The following OGN variants were observed in gnomAD, a reference collection of about 807,000 sequenced individuals.
OGN encodes the protein mimecan.
Under a neutral mutation model 30.8 loss-of-function variants are expected in OGN, and 19 were observed. That is an observed-to-expected ratio of 0.62 (90% CI 0.43 to 0.90). OGN has a LOEUF of 0.90. OGN is among the 40% of genes least tolerant of loss of function. OGN has a pLI of 0.00. For missense variants in OGN, 283 were observed against 349.7 expected, an observed-to-expected ratio of 0.81 and a Z score of 1.52; for synonymous variants, 126 against 128.3, an observed-to-expected ratio of 0.98 and a Z score of 0.12.
At chr9:92,398,708 T>C (rs1325700547) in intron 3 of OGN, among the ~76,000 whole-genome samples, 1 of 152,246 alleles carries the variant, frequency 6.6e-6, no homozygotes, top group African/African-American at 2.4e-5. Flanking sequence ...TCTGATATTT[T>C]GCAATTGCAT....
rs763470737 is a variant in OGN, at chr9:92,389,842, T to C, written c.630+12A>G. 2 of 1,568,968 alleles carry C rather than the reference T, an allele frequency of 1.3e-6. No individual in the cohort carries two copies. The highest frequency in any genetic ancestry group is 1.8e-6 in the Non-Finnish European group (2 of 1,141,400). ...ACTCATACTATGCTTAGTTTTACTATAAAATACTTACTTTGAATGCATTTG... is the reference window on the plus strand; with the variant it reads ...ACTCATACTATGCTTAGTTTTACTACAAAATACTTACTTTGAATGCATTTG... On this transcript the variant is annotated intron_variant, in intron 5 of 6. Coordinates refer to ENST00000375561, the MANE Select transcript of OGN (RefSeq NM_014057.5).
chr9:92,395,762 T>C (rs1294094735), intron 3 of OGN, among the ~76,000 whole-genome samples: 1 of 152,198 alleles, frequency 6.6e-6, no homozygotes, highest in Non-Finnish European at 1.5e-5. Context: ...CTCTGATAAC[T>C]AATGATGTTA....
chr9:92,403,943 C>G (rs1466767647), intron 1 of OGN, among the ~76,000 whole-genome samples: 1 of 152,024 alleles, frequency 6.6e-6, no homozygotes, highest in Non-Finnish European at 1.5e-5. Flanking sequence ...TCATTAACAC[C>G]TTTAGGTGGT....
chr9:92,404,463 A>G (rs1299601030), intron 1 of OGN, 33 bp downstream of exon 1: 2 of 1,233,770 alleles, frequency 1.6e-6, no homozygotes, highest in African/African-American at 1.6e-5. Context: ...TTAACAAACA[A>G]TATTTAAAAT....
chr9:92,392,083 G>A (rs1416259015), intron 4 of OGN, among the ~76,000 whole-genome samples: 1 of 151,942 alleles, frequency 6.6e-6, no homozygotes, highest in Non-Finnish European at 1.5e-5. Flanking sequence ...TAGTGATCTA[G>A]GACTGGGATT....
At chr9:92,393,575 G>A (rs749724161) in intron 3 of OGN, among the ~76,000 whole-genome samples, 37 of 152,150 alleles carry the variant, frequency 2.4e-4, no homozygotes, top group Non-Finnish European at 8.8e-5. Flanking sequence ...TTTAATGTGT[G>A]AGAAACATAT....
chr9:92,396,914 A>G (rs10992322), intron 3 of OGN, among the ~76,000 whole-genome samples: 67,493 of 151,916 alleles, frequency 0.44, 17,265 homozygotes, highest in African/African-American at 0.7. Flanking sequence ...AATGGCTCAT[A>G]TATGTAATCT....
intron 3 of OGN, among the ~76,000 whole-genome samples, chr9:92,399,821 G>T (rs1355319313): frequency 6.6e-6 from 1 of 152,008 alleles, no homozygotes; most frequent in Non-Finnish European, 1.5e-5. Context: ...GTGTATTTTT[G>T]TCTGTTTCTG....
chr9:92,403,389 T>C lies in OGN; in HGVS notation c.19A>G (p.Thr7Ala), dbSNP rs1042326858. The stretch of plus-strand genomic sequence containing the variant: ...GGCACAAGCAGTAACAGGAGAAGTG[T>C]AGACTGCAGAGTCTTCATTTTAGCA... MKTLQSTLLLLLLVPLI... is the reference protein window; with the variant it reads MKTLQSALLLLLLVPLI... Residue 7 changes from threonine to alanine, a missense_variant, in exon 2 of 7, where the codon ACA becomes GCA. Coordinates refer to ENST00000375561, the MANE Select transcript of OGN (RefSeq NM_014057.5). 7 of 1,611,212 alleles carry C rather than the reference T, an allele frequency of 4.3e-6. No individual in the cohort carries two copies. Among genetic ancestry groups the C allele is most frequent in the Non-Finnish European group, 5.9e-6 (7 of 1,178,546 alleles).
Position 92,383,487 on chromosome 9 carries a change from A to G in OGN, c.*2133T>C, listed in dbSNP as rs186729410. Among the ~76,000 whole-genome samples the G allele has an allele frequency of 6.6e-6, 1 of 152,340 alleles. No homozygotes were observed. The highest frequency in any genetic ancestry group is 2.4e-5 in the African/African-American group (1 of 41,576). On this transcript the variant is annotated 3_prime_UTR_variant, in exon 7 of 7. Coordinates refer to ENST00000375561, the MANE Select transcript of OGN (RefSeq NM_014057.5). Reference sequence around the variant, plus strand: ...GTTTTTTTCAGCAATGTTAGTAAAAAGTAAATCATTTAAAAATTTAAAGCC... The same window carrying G: ...GTTTTTTTCAGCAATGTTAGTAAAAGGTAAATCATTTAAAAATTTAAAGCC...
chr9:92,393,589 A>G (rs1421854716), intron 3 of OGN, among the ~76,000 whole-genome samples: 1 of 152,210 alleles, frequency 6.6e-6, no homozygotes, highest in Non-Finnish European at 1.5e-5. Flanking sequence ...AACATATTTC[A>G]GATTGGTGAC....
chr9:92,386,481 G>C (rs1383247796), intron 5 of OGN, among the ~76,000 whole-genome samples, 185 bp from the exon 6 acceptor site: 1 of 152,000 alleles, frequency 6.6e-6, no homozygotes, highest in Non-Finnish European at 1.5e-5. Flanking sequence ...CTGACTTCAC[G>C]TGTAGTGTAT....
Position 92,386,205 on chromosome 9 carries a change from A to G in OGN, c.722T>C (p.Leu241Pro). Residue 241 changes from leucine to proline, a missense_variant, in exon 6 of 7, where the codon CTT becomes CCT. Transcript: ENST00000375561. ...NLPESLRVIH[L>P]QFNNIASITD... ...TTGTGAAAGGAACTATCATACCTGA[A>G]GATGAATTACACGTAGACTTTCTGG... is the stretch of plus-strand genomic sequence containing the variant. The G allele has an allele frequency of 1.3e-6, 2 of 1,599,770 alleles. No individual in the cohort carries two copies. The highest frequency in any genetic ancestry group is 1.7e-6 in the Non-Finnish European group (2 of 1,167,056).
intron 4 of OGN, among the ~76,000 whole-genome samples, chr9:92,392,029 A>G (rs991374509): frequency 3.3e-5 from 5 of 152,058 alleles, no homozygotes; most frequent in African/African-American, 1.2e-4. Flanking sequence ...GATTTTTTTC[A>G]GAACTCTTGA....
At chr9:92,403,642 G>C in intron 1 of OGN, 160 bp from the exon 2 acceptor site, 2 of 1,165,882 alleles carry the variant, frequency 1.7e-6, no homozygotes, top group Admixed American at 4.5e-5. Flanking sequence ...CTGAAAAATA[G>C]TTTTGGAAAA....
At chr9:92,397,569 G>T (rs991018793) in intron 3 of OGN, among the ~76,000 whole-genome samples, 1 of 152,050 alleles carries the variant, frequency 6.6e-6, no homozygotes, top group Non-Finnish European at 1.5e-5. Flanking sequence ...ACTTCAGGTG[G>T]TCCACCCGCC....
chr9:92,402,707 C>T (rs1843168386), intron 2 of OGN, among the ~76,000 whole-genome samples: 1 of 152,108 alleles, frequency 6.6e-6, no homozygotes, highest in Non-Finnish European at 1.5e-5. Context: ...AAAGAAAGTC[C>T]TATATTGACT....
intron 4 of OGN, among the ~76,000 whole-genome samples, chr9:92,391,473 C>T (rs1328424570): frequency 1.3e-4 from 19 of 151,836 alleles, no homozygotes; most frequent in African/African-American, 2.4e-5. Flanking sequence ...GTGGCACATG[C>T]CTGTAGTCTC....
In OGN at chr9:92,393,014, T is replaced by A. The variant is rs950520491; in HGVS notation, c.427+72A>T. 2.1e-5 allele frequency: 27 copies of A among 1,261,810 alleles called. No homozygotes were observed. The South Asian group carries it at 4.2e-4, about 20-fold the overall frequency. The allele number at this position is 1,261,810 out of a possible 1,614,324, so 78.2% of individuals were successfully genotyped here. Reference sequence around the variant, plus strand: ...CTGAATGTGATAGGCAGCAACTATATAGAAACTTGTGTTTATATGAGTTAA... The same window carrying A: ...CTGAATGTGATAGGCAGCAACTATAAAGAAACTTGTGTTTATATGAGTTAA... On this transcript the variant is annotated intron_variant, in intron 4 of 6. Coordinates refer to ENST00000375561, the MANE Select transcript of OGN (RefSeq NM_014057.5).
Sources: allele counts gnomAD v4.1 joint callset (sites outside exome capture counted in the v4.1 genomes callset), GRCh38; gene constraint gnomAD v4.1.1; transcripts MANE v1.5; gene names NCBI Gene and HGNC (gene_info 2026-07-23, HGNC 2026-07-21).